Variants in MACROD2 observed in about 807,000 individuals in gnomAD.
The protein encoded by MACROD2 is mono-ADP ribosylhydrolase 2.
MACROD2 carries 36 observed loss-of-function variants against 70.4 expected under a neutral mutation model. That is an observed-to-expected ratio of 0.51 (90% CI 0.39 to 0.68). The LOEUF is 0.68. Ranked by LOEUF, MACROD2 falls within the 30% of genes least tolerant of loss-of-function variation. The probability of loss-of-function intolerance (pLI) is 0.00; values close to 1 mark genes in which losing one functional copy is unlikely to be tolerated. For synonymous variants in MACROD2, 172 were observed against 178.8 expected, an observed-to-expected ratio of 0.96 and a Z score of 0.30; for missense variants, 496 against 538.4, an observed-to-expected ratio of 0.92 and a Z score of 0.78.
At chr20:14,362,959 A>G (rs1211249012) in intron 3 of MACROD2, among the ~76,000 whole-genome samples, 1 of 152,222 alleles carries the variant, frequency 6.6e-6, no homozygotes, top group Non-Finnish European at 1.5e-5. Flanking sequence ...TTTAACAACC[A>G]GCTCACAAAA....
At chr20:15,769,808 T>C (rs1314150674) in intron 8 of MACROD2, among the ~76,000 whole-genome samples, 2 of 152,170 alleles carry the variant, frequency 1.3e-5, no homozygotes, top group African/African-American at 4.8e-5. Context: ...GATTCTAAAA[T>C]TTGTATTTGA....
At chr20:15,926,310 G>A (rs1343125077) in intron 10 of MACROD2, among the ~76,000 whole-genome samples, 8 of 152,106 alleles carry the variant, frequency 5.3e-5, no homozygotes, top group Non-Finnish European at 1.0e-4. Context: ...TGATTCATTT[G>A]TGAACTATCC....
intron 5 of MACROD2, among the ~76,000 whole-genome samples, chr20:14,789,601 G>C (rs930404937): frequency 6.7e-6 from 1 of 149,702 alleles, no homozygotes; most frequent in African/African-American, 2.5e-5. Flanking sequence ...TCAGCTTCCT[G>C]AGTAGCTGAG....
intron 8 of MACROD2, among the ~76,000 whole-genome samples, chr20:15,518,844 A>G (rs1600524431): frequency 6.6e-6 from 1 of 152,124 alleles, no homozygotes; most frequent in Non-Finnish European, 1.5e-5. Flanking sequence ...ACAAACAATA[A>G]AAAAAAGTCT....
intron 5 of MACROD2, among the ~76,000 whole-genome samples, chr20:15,198,852 C>T (rs1024872989): frequency 6.6e-6 from 1 of 152,158 alleles, no homozygotes; most frequent in Non-Finnish European, 1.5e-5. Flanking sequence ...CATGTGACTC[C>T]ACCAGTGCTT....
intron 5 of MACROD2, among the ~76,000 whole-genome samples, chr20:14,790,757 G>A (rs534393956): frequency 7.9e-5 from 12 of 152,040 alleles, no homozygotes; most frequent in African/African-American, 2.4e-4. Flanking sequence ...AGATAGTTCC[G>A]TTTTGGGAAT....
chr20:14,248,815 AT>A lies in MACROD2; in HGVS notation c.271+163096del, dbSNP rs942409342. 7.8e-4 allele frequency among the ~76,000 whole-genome samples: 118 copies of A among 151,420 alleles called. 1 individual carries two copies. The highest frequency in any genetic ancestry group is 1.2e-3 in the Non-Finnish European group (78 of 67,798). ...GATACTCAACCCATATTGGCATATAATTTTTTTTTGTATATATTCTTCTTCA... is the reference window on the plus strand; with the variant it reads ...GATACTCAACCCATATTGGCATATAATTTTTTTTGTATATATTCTTCTTCA... On this transcript the variant is annotated intron_variant, in intron 3 of 17. Transcript: ENST00000684519.
At position 15,275,332 on chromosome 20, in the gene MACROD2, T is replaced by C. The variant is rs568426569; in HGVS notation, c.540+45271T>C. ...TACAACATGCAGCACCTTGTAGCCA[T>C]AGTTTTCATCCTAACAACAATGGGG... On this transcript the variant is annotated intron_variant, in intron 6 of 17. Coordinates refer to ENST00000684519, the MANE Select transcript of MACROD2 (RefSeq NM_001351661.2). Among the ~76,000 whole-genome samples, 10 of 152,348 alleles carry C rather than the reference T, an allele frequency of 6.6e-5. No individual in the cohort carries two copies. The East Asian group carries it at 1.5e-3, about 24-fold the overall frequency.
chr20:15,498,917 T>G (rs1490041111), intron 7 of MACROD2, among the ~76,000 whole-genome samples: 1 of 152,174 alleles, frequency 6.6e-6, no homozygotes, highest in Non-Finnish European at 1.5e-5. Context: ...TGGGATTTGG[T>G]GATTAGGAAG....
chr20:15,261,819 C>A (rs1461842066), intron 6 of MACROD2, among the ~76,000 whole-genome samples: 2 of 151,916 alleles, frequency 1.3e-5, no homozygotes, highest in Non-Finnish European at 2.9e-5. Context: ...GACATTGAAA[C>A]CCAGAACAAT....
rs112742616 is a variant in MACROD2 at position 14,182,323 on chromosome 20, T to G, written c.271+96595T>G. Among the ~76,000 whole-genome samples the G allele has an allele frequency of 2.7e-4, 41 of 152,304 alleles. 1 individual carries two copies. The highest frequency in any genetic ancestry group is 8.9e-4 in the African/African-American group (37 of 41,574). On this transcript the variant is annotated intron_variant, in intron 3 of 17. Coordinates refer to ENST00000684519, the MANE Select transcript of MACROD2 (RefSeq NM_001351661.2). ...AATTCTTTACCCATTTTTTGTTGAT[T>G]TATTTAGTCTTTTTTATTATTGAGT...
chr20:15,121,348 C>A (rs2076028778), intron 5 of MACROD2, among the ~76,000 whole-genome samples: 1 of 151,482 alleles, frequency 6.6e-6, no homozygotes, highest in Non-Finnish European at 1.5e-5. Context: ...CCTGTCGCTA[C>A]AAAAAAATAC....
At chr20:14,890,359 A>T (rs1230288502) in intron 5 of MACROD2, among the ~76,000 whole-genome samples, 2 of 152,122 alleles carry the variant, frequency 1.3e-5, no homozygotes, top group East Asian at 1.9e-4. Flanking sequence ...ATGGACAGGA[A>T]CCAGAGAAAG....
intron 5 of MACROD2, among the ~76,000 whole-genome samples, chr20:14,993,022 C>A (rs1193267732): frequency 6.6e-6 from 1 of 152,136 alleles, no homozygotes; most frequent in Non-Finnish European, 1.5e-5. Context: ...GGAAAATAGA[C>A]TGCATTCTCT....
chr20:15,106,092 A>G (rs1269149489), intron 5 of MACROD2, among the ~76,000 whole-genome samples: 1 of 152,198 alleles, frequency 6.6e-6, no homozygotes, highest in African/African-American at 2.4e-5. Flanking sequence ...ACATACAACT[A>G]TAATTTGTCA....
intron 8 of MACROD2, among the ~76,000 whole-genome samples, chr20:15,533,013 TTTTTTAAACTGCACCA>T (rs1326891518): frequency 1.3e-5 from 2 of 152,200 alleles, no homozygotes; most frequent in African/African-American, 4.8e-5. Flanking sequence ...TGTTTGCTTG[TTTTTTAAACTGCACCA>T]TTTCTATGTC....
At chr20:15,803,760 G>C (rs946869376) in intron 8 of MACROD2, among the ~76,000 whole-genome samples, 26 of 152,074 alleles carry the variant, frequency 1.7e-4, no homozygotes, top group African/African-American at 6.0e-4. Context: ...AGTAGACCAG[G>C]CTTTTCCATC....
intron 3 of MACROD2, among the ~76,000 whole-genome samples, chr20:14,145,561 G>C (rs2054933633): frequency 1.3e-5 from 2 of 152,136 alleles, no homozygotes; most frequent in Non-Finnish European, 2.9e-5. Flanking sequence ...GTTTTCTAGT[G>C]TTTTCTTACT....
At chr20:15,747,749 C>G (rs1027252826) in intron 8 of MACROD2, among the ~76,000 whole-genome samples, 2 of 151,962 alleles carry the variant, frequency 1.3e-5, no homozygotes, top group African/African-American at 4.8e-5. Context: ...TGAGCAAAGA[C>G]AGCTTTATTT....
Sources: allele counts gnomAD v4.1 joint callset (sites outside exome capture counted in the v4.1 genomes callset), GRCh38; gene constraint gnomAD v4.1.1; transcripts MANE v1.5; gene names NCBI Gene and HGNC (gene_info 2026-07-23, HGNC 2026-07-21).